Variants in MCF2L observed in about 807,000 individuals in gnomAD.
MCF2L encodes guanine nucleotide exchange factor DBS.
MCF2L carries 97 observed loss-of-function variants against 153.4 expected under a neutral mutation model. That is an observed-to-expected ratio of 0.63 (90% confidence interval 0.54 to 0.75). MCF2L has a LOEUF of 0.75. Among genes scored for constraint, MCF2L ranks in the 30% least tolerant of loss-of-function variants. The pLI is 0.00. For synonymous variants in MCF2L, 659 were observed against 632.2 expected (o/e 1.04, Z -0.64); for missense variants, 1,347 against 1,495.2 (o/e 0.90, Z 1.64).
rs113711907 is a variant in MCF2L, at chr13:113,074,783, G to A, written c.1117-215G>A. On this transcript the variant is annotated intron_variant, in intron 10 of 29. Coordinates refer to ENST00000535094, the MANE Select transcript of MCF2L (RefSeq NM_001112732.3). This position sits in a 1 kb window ranked among gnomAD's most constrained non-coding sequence, Gnocchi z 4.2. ...CCGGCCTCCTCTGGGTCAGGTCCCT[G>A]CAGACGGTCAATGCCTTTGCTGGGA... 0.012 allele frequency among the ~76,000 whole-genome samples: 1,845 copies of A among 152,164 alleles called. 37 individuals are homozygous for A. The highest frequency in any genetic ancestry group is 0.042 in the African/African-American group (1,731 of 41,508).
At chr13:113,013,677 A>G (rs2084318442) in intron 1 of MCF2L, among the ~76,000 whole-genome samples, 1 of 152,218 alleles carries the variant, frequency 6.6e-6, no homozygotes, top group Non-Finnish European at 1.5e-5. Flanking sequence ...TGAGCGTTTA[A>G]GCCATTCTCA....
chr13:113,094,568 C>A lies in MCF2L; in HGVS notation c.3008C>A (p.Ser1003Ter). The change falls in exon 27 of 30, where the codon TCA becomes TAA. Residue 1003 changes from serine (S) to a stop codon, truncating the protein, a stop_gained. Transcript: ENST00000535094. LOFTEE classifies it high-confidence loss of function. ...LEAPEDDGGW[S>*]SAEEQINSSD... ...GCACCTGAGGACGACGGGGGCTGGTCAAGTGCAGAGGAGCAGATTAACTCG... is the reference window on the plus strand; with the variant it reads ...GCACCTGAGGACGACGGGGGCTGGTAAAGTGCAGAGGAGCAGATTAACTCG... The A allele has an allele frequency of 6.2e-7, 1 of 1,612,580 alleles. No individual in the cohort carries two copies. The highest frequency in any genetic ancestry group is 1.1e-5 in the South Asian group (1 of 91,014).
At chr13:113,033,502 C>T (rs910145516) in intron 3 of MCF2L, among the ~76,000 whole-genome samples, 8 of 151,772 alleles carry the variant, frequency 5.3e-5, no homozygotes, top group African/African-American at 1.7e-4. Context: ...TGGGCCTGTT[C>T]GCGGGCATTT....
intron 2 of MCF2L, among the ~76,000 whole-genome samples, chr13:112,935,641 A>G: frequency 6.6e-6 from 1 of 152,200 alleles, no homozygotes; most frequent in South Asian, 2.1e-4. Flanking sequence ...GAGTTGAGAT[A>G]GCTGGGCTGA....
intron 13 of MCF2L, 27 bp downstream of exon 13, chr13:113,077,238 G>A: frequency 1.3e-6 from 2 of 1,514,590 alleles, no homozygotes; most frequent in Non-Finnish European, 1.8e-6. Flanking sequence ...GGTGCCCCGG[G>A]TGCTGTGGGA....
intron 1 of MCF2L, among the ~76,000 whole-genome samples, chr13:113,010,617 C>T (rs112631632): frequency 1.3e-5 from 2 of 152,222 alleles, no homozygotes; most frequent in African/African-American, 4.8e-5. Context: ...GCCACCCCCT[C>T]GTCGGCCCCA....
chr13:112,994,748 C>A (rs927841048), intron 1 of MCF2L, among the ~76,000 whole-genome samples: 3 of 152,186 alleles, frequency 2.0e-5, no homozygotes, highest in Non-Finnish European at 4.4e-5. Context: ...GTCGCCGCTG[C>A]GGGCAGGACA....
At chr13:112,915,450 A>G (rs1270303163) in intron 2 of MCF2L, among the ~76,000 whole-genome samples, 2 of 148,170 alleles carry the variant, frequency 1.3e-5, no homozygotes, top group African/African-American at 5.0e-5. Flanking sequence ...ACGCATCAGC[A>G]GTTGCCACCA....
chr13:113,078,666 A>T lies in MCF2L; in HGVS notation c.1735A>T (p.Ser579Cys). The stretch of plus-strand genomic sequence containing the variant: ...GACCTGACGCTGTTTTTCTCCCCAG[A>T]GTGAGATGAGTGAGAGCCGGCAGGG... Reference protein sequence around the residue: ...LRRGPYRRAKSEMSESRQGRG... With the variant: ...LRRGPYRRAKCEMSESRQGRG... The change falls in exon 15 of 30, where the codon AGT becomes TGT. Residue 579 changes from serine to cysteine, a missense_variant and splice_region_variant. Ser to Cys is a moderately radical substitution (Grantham distance 112, BLOSUM62 -1). Coordinates refer to ENST00000535094, the MANE Select transcript of MCF2L (RefSeq NM_001112732.3). The T allele has an allele frequency of 6.2e-7, 1 of 1,611,876 alleles. No homozygotes were observed. The highest frequency in any genetic ancestry group is 1.1e-5 in the South Asian group (1 of 90,812).
At chr13:113,013,146 C>T (rs570156156) in intron 1 of MCF2L, among the ~76,000 whole-genome samples, 5 of 152,300 alleles carry the variant, frequency 3.3e-5, no homozygotes, top group South Asian at 2.1e-4. Context: ...AGGCTGCCGT[C>T]GGCTGCACCA....
At chr13:113,001,450 CAG>C (rs1303439469) in intron 1 of MCF2L, 2 of 157,028 alleles carry the variant, frequency 1.3e-5, no homozygotes, top group Non-Finnish European at 2.8e-5. Context: ...GGGGCTAGCA[CAG>C]GGGATGCGGA....
At chr13:112,931,659 T>C (rs140026412) in intron 2 of MCF2L, among the ~76,000 whole-genome samples, 82 of 152,270 alleles carry the variant, frequency 5.4e-4, no homozygotes, top group African/African-American at 1.9e-3. Flanking sequence ...GATCTTGGTT[T>C]CTAATTCCAT....
chr13:112,946,486 A>G (rs1466570820), intron 2 of MCF2L, among the ~76,000 whole-genome samples: 1 of 152,210 alleles, frequency 6.6e-6, no homozygotes, highest in East Asian at 1.9e-4. Flanking sequence ...AACTACAAAG[A>G]CAAGTCAGGG....
At chr13:112,971,428 C>T (rs1210231665) in intron 1 of MCF2L, among the ~76,000 whole-genome samples, 1 of 151,852 alleles carries the variant, frequency 6.6e-6, no homozygotes, top group African/African-American at 2.4e-5. Flanking sequence ...GGTGTAGGTC[C>T]TCAGGGCAGT....
intron 24 of MCF2L, 61 bp from the exon 25 acceptor site, chr13:113,088,501 G>C: frequency 6.2e-7 from 1 of 1,607,466 alleles, no homozygotes; most frequent in South Asian, 1.1e-5. Context: ...CCATGCGCAA[G>C]GTGCCTCGGC....
chr13:113,028,494 G>A lies in MCF2L; in HGVS notation c.278+3736G>A, dbSNP rs1042196513. Among the ~76,000 whole-genome samples, 7 of 152,204 alleles carry A rather than the reference G, an allele frequency of 4.6e-5. No homozygotes were observed. Among genetic ancestry groups the A allele is most frequent in the Non-Finnish European group, 8.8e-5 (6 of 68,026 alleles). ...ACCCACTCAGCCACCTCTGTAGATT[G>A]CGCATCTGTGAGTCGCACAGCCTGG... On this transcript the variant is annotated intron_variant, in intron 3 of 29. Transcript: ENST00000535094. This position sits in a 1 kb window ranked among gnomAD's most constrained non-coding sequence, Gnocchi z 5.4.
rs112032701 is a variant in MCF2L, at chr13:113,046,166, C to T, written c.369+805C>T. 618 of 172,882 alleles carry T rather than the reference C, an allele frequency of 3.6e-3. 5 individuals carry two copies. The highest frequency in any genetic ancestry group is 0.014 in the African/African-American group (596 of 41,780). 10.7% of individuals were successfully genotyped at this position (172,882 alleles called of 1,614,324 possible). ...AAATCTTATTTTTGTCGGTAGCTCC[C>T]ACCCGTATGCATGACCCCGGCATGG... On this transcript the variant is annotated intron_variant, in intron 4 of 29. Transcript: ENST00000535094. The surrounding 1 kb of genome is among the most constrained non-coding windows in gnomAD (Gnocchi z 4.4).
In MCF2L at chr13:112,919,367, G is replaced by A. The variant is rs866299384; in HGVS notation, c.169+16996G>A. Reference sequence around the variant, plus strand: ...ACTACAGGCGCCCGCCACTACGCCCGGCTAATTTTTTGTATTTTTAGTAGA... The same window carrying A: ...ACTACAGGCGCCCGCCACTACGCCCAGCTAATTTTTTGTATTTTTAGTAGA... On this transcript the variant is annotated intron_variant, in intron 2 of 29. Coordinates refer to the MCF2L transcript ENST00000375608. Among the ~76,000 whole-genome samples, 21 of 151,328 alleles carry A rather than the reference G, an allele frequency of 1.4e-4. 1 individual carries two copies. Among genetic ancestry groups the A allele is most frequent in the South Asian group, 4.2e-4 (2 of 4,754 alleles).
At chr13:113,016,001 C>T (rs1315463804) in intron 2 of MCF2L, among the ~76,000 whole-genome samples, 1 of 152,198 alleles carries the variant, frequency 6.6e-6, no homozygotes, top group East Asian at 1.9e-4. Context: ...ACCAGGAGGG[C>T]CCCGACCTGG....
Sources: allele counts gnomAD v4.1 joint callset (sites outside exome capture counted in the v4.1 genomes callset), GRCh38; gene constraint gnomAD v4.1.1; non-coding constraint Gnocchi (gnomAD v3.1); transcripts MANE v1.5; gene names NCBI Gene and HGNC (gene_info 2026-07-23, HGNC 2026-07-21).